Variants in SGCG observed in about 807,000 individuals in gnomAD.
The protein encoded by SGCG is sarcoglycan gamma.
A neutral mutation model predicts 29.3 loss-of-function variants in SGCG; 26 were observed. That is an observed-to-expected ratio of 0.89 (90% CI 0.65 to 1.23). The LOEUF (loss-of-function observed/expected upper bound fraction) is 1.23, where lower values mean the gene tolerates loss of function less well. Ranked by LOEUF, SGCG falls within the 50% of genes most tolerant of loss-of-function variation. The probability of loss-of-function intolerance (pLI) is 0.00; values close to 1 mark genes in which losing one functional copy is unlikely to be tolerated. For missense variants in SGCG, 353 were observed against 356.0 expected (o/e 0.99, Z 0.07); for synonymous variants, 145 against 129.7 (o/e 1.12, Z -0.80).
At chr13:23,225,581 C>A (rs940737221) in intron 2 of SGCG, among the ~76,000 whole-genome samples, 1 of 152,132 alleles carries the variant, frequency 6.6e-6, no homozygotes, top group African/African-American at 2.4e-5. Flanking sequence ...TCTGTCATTT[C>A]ACTGTCCATA....
intron 4 of SGCG, among the ~76,000 whole-genome samples, chr13:23,274,107 C>A (rs917830459): frequency 6.6e-6 from 1 of 152,138 alleles, no homozygotes; most frequent in Non-Finnish European, 1.5e-5. Flanking sequence ...CATTAAAAAT[C>A]TTTTTTGTCA....
Position 23,324,614 on chromosome 13 carries a change from C to T in SGCG, c.*73C>T, listed in dbSNP as rs1436245521. 5 of 1,352,738 alleles carry T rather than the reference C, an allele frequency of 3.7e-6. No homozygotes were observed. Among genetic ancestry groups the T allele is most frequent in the Non-Finnish European group, 5.2e-6 (5 of 957,714 alleles). 83.8% of individuals were successfully genotyped at this position (1,352,738 alleles called of 1,614,324 possible). A position where few individuals can be genotyped will look rare whatever the true frequency, so the allele number is the denominator to read the frequency against. On this transcript the variant is annotated 3_prime_UTR_variant, in exon 8 of 8. Coordinates refer to ENST00000218867, the MANE Select transcript of SGCG (RefSeq NM_000231.3). Reference sequence around the variant, plus strand: ...TCACACCCAGGGAGCAGCTGCACATCGTGAAAGACTGAGGCAGCGTGGATG... The same window carrying T: ...TCACACCCAGGGAGCAGCTGCACATTGTGAAAGACTGAGGCAGCGTGGATG...
chr13:23,191,680 G>A (rs1466619189), intron 1 of SGCG, among the ~76,000 whole-genome samples: 2 of 152,112 alleles, frequency 1.3e-5, no homozygotes, highest in African/African-American at 4.8e-5. Flanking sequence ...ATAGCAAAAG[G>A]GAAGTGGCCT....
intron 5 of SGCG, among the ~76,000 whole-genome samples, chr13:23,290,529 C>T (rs1881661810): frequency 6.6e-6 from 1 of 152,082 alleles, no homozygotes; most frequent in Non-Finnish European, 1.5e-5. Flanking sequence ...GAAGTTATTG[C>T]TATCTTAAGG....
chr13:23,261,182 G>A (rs187182646), intron 4 of SGCG, among the ~76,000 whole-genome samples: 126 of 151,954 alleles, frequency 8.3e-4, no homozygotes, highest in African/African-American at 2.7e-3. Flanking sequence ...CCAATCAAAC[G>A]TAGATTTGAT....
chr13:23,231,044 C>G (rs1195517696), intron 2 of SGCG, among the ~76,000 whole-genome samples: 2 of 152,124 alleles, frequency 1.3e-5, no homozygotes, highest in African/African-American at 4.8e-5. Context: ...TTGAGATAAT[C>G]ATGTGCTTTT....
chr13:23,310,812 T>C (rs1882569091), intron 6 of SGCG, among the ~76,000 whole-genome samples: 1 of 152,220 alleles, frequency 6.6e-6, no homozygotes, highest in Non-Finnish European at 1.5e-5. Context: ...TTAATACTTG[T>C]CAACCAAGTC....
At chr13:23,317,942 C>T (rs1882887349) in intron 6 of SGCG, among the ~76,000 whole-genome samples, 1 of 152,096 alleles carries the variant, frequency 6.6e-6, no homozygotes. Flanking sequence ...GGCAGACCCA[C>T]CCTTAATTGG....
chr13:23,180,333 T>G (rs951107651), upstream of SGCG, among the ~76,000 whole-genome samples: 4 of 100,950 alleles, frequency 4.0e-5, no homozygotes, highest in Non-Finnish European at 2.0e-5. Flanking sequence ...ATTCACATAA[T>G]TTGTTAAACA....
chr13:23,226,930 C>T (rs1446714638), intron 2 of SGCG, among the ~76,000 whole-genome samples: 3 of 152,202 alleles, frequency 2.0e-5, no homozygotes, highest in African/African-American at 7.2e-5. Flanking sequence ...ATGTGGGAAG[C>T]TGTCCCGGAA....
intron 7 of SGCG, among the ~76,000 whole-genome samples, chr13:23,322,111 C>T (rs1390421364): frequency 3.9e-5 from 6 of 152,154 alleles, no homozygotes. Flanking sequence ...TGAATGTGCT[C>T]AAAATAAGCC....
intron 6 of SGCG, among the ~76,000 whole-genome samples, chr13:23,313,499 G>A (rs1043877292): frequency 1.3e-5 from 2 of 152,118 alleles, no homozygotes; most frequent in South Asian, 2.1e-4. Flanking sequence ...AATATGACAT[G>A]AGCAATAACT....
the SGCG span, among the ~76,000 whole-genome samples, chr13:23,170,289 T>G: frequency 1.3e-5 from 2 of 152,236 alleles, no homozygotes; most frequent in South Asian, 4.1e-4. Flanking sequence ...CCTTCATTTC[T>G]TCCTTTAATT....
chr13:23,205,918 A>G (rs769548994), intron 2 of SGCG, among the ~76,000 whole-genome samples: 2 of 152,224 alleles, frequency 1.3e-5, no homozygotes, highest in Non-Finnish European at 2.9e-5. Flanking sequence ...AAGATACCCA[A>G]AGTCACTAAG....
At chr13:23,299,448 A>ATTTTTT (rs1452293006) in intron 6 of SGCG, among the ~76,000 whole-genome samples, 8 of 11,830 alleles carry the variant, frequency 6.8e-4, no homozygotes, top group Non-Finnish European at 1.6e-3. Context: ...ATATATATAT[A>ATTTTTT]TATATATATT....
Position 23,320,709 on chromosome 13 carries a change from A to G in SGCG, c.651A>G (p.Lys217=), listed in dbSNP as rs1428630342. The G allele has an allele frequency of 6.2e-7, 1 of 1,613,542 alleles. No homozygotes were observed. The highest frequency in any genetic ancestry group is 1.7e-5 in the Admixed American group (1 of 59,978). The change falls in exon 7 of 8, where the codon AAA becomes AAG. Residue 217 remains lysine (K), a synonymous_variant. Coordinates refer to ENST00000218867, the MANE Select transcript of SGCG (RefSeq NM_000231.3). ...TGCATATTCAAGCTCACGCTGGGAA[A>G]ATTGAGGCGCTTTCTCAAATGGATA... ...RGVHIQAHAG[K]IEALSQMDIL...
intron 1 of SGCG, among the ~76,000 whole-genome samples, chr13:23,184,978 T>G (rs925218754): frequency 1.3e-5 from 2 of 152,230 alleles, no homozygotes; most frequent in Non-Finnish European, 2.9e-5. Flanking sequence ...ATTATTATCC[T>G]TGGCTACAGA....
rs536518642 is a variant in SGCG, at chr13:23,216,011, C to T, written c.195+12122C>T. Among the ~76,000 whole-genome samples, 8 of 152,198 alleles carry T rather than the reference C, an allele frequency of 5.3e-5. No homozygotes were observed. The South Asian group carries it at 1.2e-3, about 24-fold the overall frequency. ...GAGATATGTAAAAGAGGATAATTAT[C>T]TACCTTTTCTTAGCAATGAAACATA... On this transcript the variant is annotated intron_variant, in intron 2 of 7. Coordinates refer to ENST00000218867, the MANE Select transcript of SGCG (RefSeq NM_000231.3).
intron 1 of SGCG, among the ~76,000 whole-genome samples, chr13:23,182,954 C>T (rs1305433111): frequency 6.6e-6 from 1 of 152,198 alleles, no homozygotes; most frequent in African/African-American, 2.4e-5. Context: ...TGAAGAGTAC[C>T]TTAAAACCTA....
Sources: allele counts gnomAD v4.1 joint callset (sites outside exome capture counted in the v4.1 genomes callset), GRCh38; gene constraint gnomAD v4.1.1; transcripts MANE v1.5; gene names NCBI Gene and HGNC (gene_info 2026-07-23, HGNC 2026-07-21).